XCR1: variants seen among roughly 807,000 people sequenced by gnomAD.
XCR1 encodes chemokine XC receptor 1.
For synonymous variants in XCR1, 187 were observed against 188.5 expected (o/e 0.99, Z 0.06); for missense variants, 356 against 424.2 (o/e 0.84, Z 1.41).
chr3:46,071,716 T>A (rs1698166259), intron 3 of XCR1, among the ~76,000 whole-genome samples: 1 of 152,176 alleles, frequency 6.6e-6, no homozygotes, highest in Non-Finnish European at 1.5e-5. Flanking sequence ...AGCCATATGA[T>A]CATCTCAATA....
chr3:46,025,005 A>G (rs1708257937), intron 1 of XCR1, among the ~76,000 whole-genome samples: 1 of 152,192 alleles, frequency 6.6e-6, no homozygotes, highest in African/African-American at 2.4e-5. Context: ...TGAAAATACC[A>G]CATATCAGAA....
At chr3:46,064,955 G>A (rs1698037455) in intron 4 of XCR1, among the ~76,000 whole-genome samples, 2 of 152,170 alleles carry the variant, frequency 1.3e-5, no homozygotes, top group African/African-American at 4.8e-5. Flanking sequence ...GCCGGGTGTG[G>A]TGGCGCATGC....
upstream of XCR1, among the ~76,000 whole-genome samples, chr3:46,030,753 GTGCCCTGCATCCCCA>G (rs1048630896): frequency 2.0e-4 from 30 of 152,306 alleles, no homozygotes; most frequent in African/African-American, 6.5e-4. Context: ...TGGGACCTCT[GTGCCCTGCATCCCCA>G]TGCCCTGCAT....
At chr3:46,073,878 A>G (rs1698205945) in intron 3 of XCR1, among the ~76,000 whole-genome samples, 1 of 152,062 alleles carries the variant, frequency 6.6e-6, no homozygotes, top group Admixed American at 6.6e-5. Context: ...AGAACATGAT[A>G]CCATCTTACA....
At chr3:46,071,375 G>A (rs1476359327) in intron 3 of XCR1, among the ~76,000 whole-genome samples, 1 of 152,008 alleles carries the variant, frequency 6.6e-6, no homozygotes, top group South Asian at 2.1e-4. Context: ...CACAGATGAA[G>A]TCTGCCAAAT....
chr3:46,079,064 G>C (rs1460018671), intron 1 of XCR1, among the ~76,000 whole-genome samples: 2 of 152,192 alleles, frequency 1.3e-5, no homozygotes, highest in Non-Finnish European at 2.9e-5. Flanking sequence ...AGCAGTGCTC[G>C]TAAGCACCAC....
chr3:46,077,623 C>T (rs868428109), intron 1 of XCR1, among the ~76,000 whole-genome samples: 2 of 152,248 alleles, frequency 1.3e-5, no homozygotes, highest in East Asian at 1.9e-4. Context: ...CCATGAAACT[C>T]GTCCCTGGTG....
chr3:46,026,638 A>C (rs1708293492), intron 1 of XCR1, among the ~76,000 whole-genome samples: 2 of 147,464 alleles, frequency 1.4e-5, no homozygotes, highest in Admixed American at 1.4e-4. Flanking sequence ...TCTGGAGTGC[A>C]GTGGTGTGAT....
In XCR1 at chr3:46,081,799, A is replaced by G. The variant is rs111407126; in HGVS notation, c.-515+3995T>C. On this transcript the variant is annotated intron_variant, in intron 1 of 5. Coordinates refer to the XCR1 transcript ENST00000683768. Reference sequence around the variant, plus strand: ...AGGTTGGGGTGTGGTTGAACCCGTCATTCAGGTAGTGAGCATAGTACCCAA... The same window carrying G: ...AGGTTGGGGTGTGGTTGAACCCGTCGTTCAGGTAGTGAGCATAGTACCCAA... Among the ~76,000 whole-genome samples the G allele has an allele frequency of 1.8e-3, 268 of 152,042 alleles. 1 individual carries two copies. Among genetic ancestry groups the G allele is most frequent in the Middle Eastern group, 6.8e-3 (2 of 292 alleles).
At chr3:46,036,641 A>G (rs1575416872) in intron 5 of XCR1, among the ~76,000 whole-genome samples, 1 of 152,198 alleles carries the variant, frequency 6.6e-6, no homozygotes, top group Non-Finnish European at 1.5e-5. Context: ...TTTGGGCTTT[A>G]TATTTGTCTC....
At chr3:46,039,307 A>C (rs1697493155) in intron 5 of XCR1, among the ~76,000 whole-genome samples, 1 of 142,418 alleles carries the variant, frequency 7.0e-6, no homozygotes, top group South Asian at 2.3e-4. Context: ...TTCTTTAATG[A>C]TGGAAAGTTA....
intron 4 of XCR1, among the ~76,000 whole-genome samples, chr3:46,066,021 A>G (rs925578260): frequency 6.6e-6 from 1 of 152,150 alleles, no homozygotes; most frequent in African/African-American, 2.4e-5. Context: ...TTTGCTGCTC[A>G]AGCACATAAG....
chr3:46,030,547 A>G (rs1174264925), upstream of XCR1, among the ~76,000 whole-genome samples: 7 of 152,258 alleles, frequency 4.6e-5, no homozygotes, highest in African/African-American at 1.7e-4. Flanking sequence ...AGTATTTTAT[A>G]CACGATATGT....
At chr3:46,084,599 T>C (rs1259408843) in intron 1 of XCR1, among the ~76,000 whole-genome samples, 1 of 152,236 alleles carries the variant, frequency 6.6e-6, no homozygotes, top group Non-Finnish European at 1.5e-5. Flanking sequence ...TGCCAACTTT[T>C]TATCAGCTCA....
rs1403635445 is a variant in XCR1, at chr3:46,020,683, A to G, written c.*263T>C. Reference sequence around the variant, plus strand: ...GTGATTAGAAACACATGTCTAAATGAAGGAGCGTGCAAGATGAACTCAGAG... The same window carrying G: ...GTGATTAGAAACACATGTCTAAATGGAGGAGCGTGCAAGATGAACTCAGAG... On this transcript the variant is annotated 3_prime_UTR_variant, in exon 2 of 2. Coordinates refer to ENST00000309285, the MANE Select transcript of XCR1 (RefSeq NM_001024644.2). 3.8e-6 allele frequency: 2 copies of G among 525,850 alleles called. No individual in the cohort carries two copies. The highest frequency in any genetic ancestry group is 5.1e-5 in the South Asian group (2 of 39,404). The allele number at this position is 525,850 out of a possible 1,614,324, so 32.6% of individuals were successfully genotyped here. A position where few individuals can be genotyped will look rare whatever the true frequency, so the allele number is the denominator to read the frequency against.
chr3:46,021,617 TG>T lies in XCR1; in HGVS notation c.330del (p.Ile111SerfsTer10). 1 of 1,613,378 alleles carries T rather than the reference TG, an allele frequency of 6.2e-7. No individual in the cohort carries two copies. The highest frequency in any genetic ancestry group is 1.1e-5 in the South Asian group (1 of 90,970). ...FLCKLLNMIF[S>X]ISLYSSIFFL... ...AAGAAGATGCTGCTGTAGAGGCTGA[TG>T]GAGAAGATCATATTGAGGAGTTTGC... On this transcript the variant is annotated frameshift_variant, in exon 2 of 2. Coordinates refer to ENST00000309285, the MANE Select transcript of XCR1 (RefSeq NM_001024644.2). LOFTEE classifies it low-confidence loss of function (END_TRUNC). This position sits in a 1 kb window ranked among gnomAD's most constrained non-coding sequence, Gnocchi z 4.7.
chr3:46,074,214 C>CTTTTTTTTTTTTTTTTTTTTTTTTTTTT (rs35124592), intron 3 of XCR1, among the ~76,000 whole-genome samples: 1 of 86,638 alleles, frequency 1.2e-5, no homozygotes, highest in African/African-American at 4.3e-5. Flanking sequence ...TGAAGGCCAT[C>CTTTTTTTTTTTTTTTTTTTTTTTTTTTT]TTTTTTTTTT....
chr3:46,079,699 C>A (rs980993170), intron 1 of XCR1, among the ~76,000 whole-genome samples: 3 of 152,156 alleles, frequency 2.0e-5, no homozygotes, highest in Non-Finnish European at 4.4e-5. Flanking sequence ...ATTATGTATA[C>A]CCCTTGGACA....
At chr3:46,063,527 G>C (rs987135137) in intron 4 of XCR1, among the ~76,000 whole-genome samples, 1 of 152,012 alleles carries the variant, frequency 6.6e-6, no homozygotes, top group Non-Finnish European at 1.5e-5. Context: ...AGGAGAAAAG[G>C]GAACTGTGGG....
Sources: gnomAD v4.1 joint callset for allele counts (sites outside exome capture counted in the v4.1 genomes callset) on GRCh38, gnomAD v4.1.1 for gene constraint, Gnocchi (gnomAD v3.1) non-coding constraint, MANE v1.5 for transcripts, NCBI Gene and HGNC (gene_info 2026-07-23, HGNC 2026-07-21) for gene names.